Variants in SLC9A9 observed in about 807,000 individuals in gnomAD.
SLC9A9 encodes the protein solute carrier family 9 member A9.
SLC9A9 carries 62 observed loss-of-function variants against 77.8 expected under a neutral mutation model. The ratio of observed to expected loss-of-function variants is 0.80; its 90% CI spans 0.65 to 0.98. The LOEUF (loss-of-function observed/expected upper bound fraction) is 0.98. Ranked by LOEUF, SLC9A9 falls within the 50% of genes least tolerant of loss-of-function variation. The probability of loss-of-function intolerance (pLI) is 0.00; values close to 1 mark genes in which losing one functional copy is unlikely to be tolerated. For missense variants in SLC9A9, 775 were observed against 774.9 expected (o/e 1.00, Z 0.00); for synonymous variants, 320 against 283.5 (o/e 1.13, Z -1.29).
chr3:143,599,605 C>T (rs531990302), intron 6 of SLC9A9, among the ~76,000 whole-genome samples: 2 of 152,206 alleles, frequency 1.3e-5, no homozygotes, highest in African/African-American at 4.8e-5. Context: ...AATATCATTT[C>T]TCTCCTTTGC....
intron 14 of SLC9A9, among the ~76,000 whole-genome samples, chr3:143,338,945 T>C (rs2032008419): frequency 1.3e-5 from 2 of 152,216 alleles, no homozygotes; most frequent in Admixed American, 6.5e-5. Flanking sequence ...TAAAAGAATG[T>C]TATGTGAACT....
chr3:143,352,783 TC>T (rs2032494473), intron 14 of SLC9A9, among the ~76,000 whole-genome samples: 1 of 152,244 alleles, frequency 6.6e-6, no homozygotes, highest in Non-Finnish European at 1.5e-5. Flanking sequence ...TACATTTTTA[TC>T]CACACAGAAA....
rs77716635 is a variant in SLC9A9 at position 143,617,619 on chromosome 3, T to C, written c.755+34636A>G. On this transcript the variant is annotated intron_variant, in intron 6 of 15. Transcript: ENST00000316549. Reference sequence around the variant, plus strand: ...TTAACTTCTTTTGAAAAATCAGATCTGTCCCTTTTGGACCTACTTTTCAGC... The same window carrying C: ...TTAACTTCTTTTGAAAAATCAGATCCGTCCCTTTTGGACCTACTTTTCAGC... 2.5e-3 allele frequency among the ~76,000 whole-genome samples: 376 copies of C among 152,374 alleles called. 14 individuals are homozygous for C. In the East Asian group the frequency reaches 0.061, roughly 25 times the overall value.
At chr3:143,518,125 C>T in intron 9 of SLC9A9, 2 of 1,600,030 alleles carry the variant, frequency 1.2e-6, no homozygotes, top group South Asian at 2.2e-5. Context: ...CCATGCTCTC[C>T]ACCCACTCCC....
chr3:143,678,760 T>G (rs1185578253), intron 5 of SLC9A9, among the ~76,000 whole-genome samples: 2 of 152,238 alleles, frequency 1.3e-5, no homozygotes, highest in Admixed American at 1.3e-4. Context: ...TAAGATAATT[T>G]TATCCAGTTT....
chr3:143,386,733 T>C (rs979387309), intron 12 of SLC9A9, among the ~76,000 whole-genome samples: 2 of 152,204 alleles, frequency 1.3e-5, no homozygotes, highest in Admixed American at 6.5e-5. Context: ...ACCACCACAA[T>C]TGAGCCACAA....
At chr3:143,579,838 G>A (rs1381012193) in intron 6 of SLC9A9, among the ~76,000 whole-genome samples, 1 of 152,146 alleles carries the variant, frequency 6.6e-6, no homozygotes, top group Non-Finnish European at 1.5e-5. Context: ...TTGGTATCCA[G>A]AGATGACTTA....
chr3:143,347,943 A>G (rs185952310), intron 14 of SLC9A9, among the ~76,000 whole-genome samples: 7 of 152,184 alleles, frequency 4.6e-5, no homozygotes, highest in Admixed American at 2.6e-4. Flanking sequence ...GTGAGGTAAG[A>G]TTGCTTCCTT....
intron 2 of SLC9A9, among the ~76,000 whole-genome samples, chr3:143,821,402 T>A (rs960195167): frequency 6.6e-6 from 1 of 152,230 alleles, no homozygotes; most frequent in Non-Finnish European, 1.5e-5. Flanking sequence ...GTAAATCTCA[T>A]CTCAGAGATG....
intron 14 of SLC9A9, among the ~76,000 whole-genome samples, chr3:143,327,022 CT>C (rs2031626413): frequency 6.6e-6 from 1 of 152,162 alleles, no homozygotes; most frequent in South Asian, 2.1e-4. Flanking sequence ...AAAGATAAGC[CT>C]TCTTAGGATA....
chr3:143,798,299 T>A (rs568414906), intron 2 of SLC9A9, among the ~76,000 whole-genome samples: 4 of 152,272 alleles, frequency 2.6e-5, no homozygotes, highest in African/African-American at 9.6e-5. Flanking sequence ...TCCCTTGGTG[T>A]TTAATCACTG....
chr3:143,680,337 G>T lies in SLC9A9; in HGVS notation c.649+12855C>A, dbSNP rs144676637. ...TGAAAAATTTAGAAACTGCTGGAAG[G>T]TTTATGAAAAGTAACAGGGATTATA... On this transcript the variant is annotated intron_variant, in intron 5 of 15. Coordinates refer to ENST00000316549, the MANE Select transcript of SLC9A9 (RefSeq NM_173653.4). Among the ~76,000 whole-genome samples, 47 of 152,020 alleles carry T rather than the reference G, an allele frequency of 3.1e-4. No homozygotes were observed. In the East Asian group the frequency reaches 6.8e-3, roughly 22 times the overall value.
At chr3:143,761,360 A>G (rs2007116147) in intron 4 of SLC9A9, among the ~76,000 whole-genome samples, 1 of 152,216 alleles carries the variant, frequency 6.6e-6, no homozygotes, top group Non-Finnish European at 1.5e-5. Context: ...GTTAAACTAA[A>G]GAGCTTCTGC....
At chr3:143,496,971 G>A (rs1216060160) in intron 9 of SLC9A9, among the ~76,000 whole-genome samples, 1 of 152,068 alleles carries the variant, frequency 6.6e-6, no homozygotes, top group Non-Finnish European at 1.5e-5. Flanking sequence ...CTCACACCGA[G>A]GAGAGAGAGA....
chr3:143,495,268 T>C (rs2108592278), intron 10 of SLC9A9, 67 bp downstream of exon 10: 1 of 1,332,858 alleles, frequency 7.5e-7, no homozygotes, highest in East Asian at 2.3e-5. Flanking sequence ...TTTAACAGAA[T>C]AATTCGTAAA....
At chr3:143,688,124 CTCTT>C (rs777521357) in intron 5 of SLC9A9, among the ~76,000 whole-genome samples, 7 of 150,630 alleles carry the variant, frequency 4.6e-5, no homozygotes, top group Admixed American at 6.6e-5. Flanking sequence ...CTCTCTCTCT[CTCTT>C]TCTTTTGAGA....
intron 14 of SLC9A9, among the ~76,000 whole-genome samples, chr3:143,282,464 C>CTACT (rs1304637229): frequency 1.3e-5 from 2 of 152,184 alleles, no homozygotes; most frequent in East Asian, 3.8e-4. Flanking sequence ...GCATAGATTG[C>CTACT]TACTTACCTA....
intron 5 of SLC9A9, among the ~76,000 whole-genome samples, chr3:143,664,438 C>G (rs2039029633): frequency 6.6e-6 from 1 of 152,168 alleles, no homozygotes; most frequent in Admixed American, 6.5e-5. Flanking sequence ...GCAAAATAAC[C>G]AGCTAACATC....
intron 13 of SLC9A9, among the ~76,000 whole-genome samples, chr3:143,363,825 G>T (rs1316208140): frequency 6.6e-6 from 1 of 151,994 alleles, no homozygotes; most frequent in Non-Finnish European, 1.5e-5. Context: ...ATGCTATTTT[G>T]ACATCAATAA....
Sources: gnomAD v4.1 joint callset for allele counts (sites outside exome capture counted in the v4.1 genomes callset) on GRCh38, gnomAD v4.1.1 for gene constraint, MANE v1.5 for transcripts, NCBI Gene and HGNC (gene_info 2026-07-23, HGNC 2026-07-21) for gene names.